RAMP1: variants seen among roughly 807,000 people sequenced by gnomAD.
RAMP1 encodes receptor activity-modifying protein 1.
A neutral mutation model predicts 8.2 loss-of-function variants in RAMP1; 7 were observed. The observed-to-expected ratio is 0.85, with a 90% CI of 0.49 to 1.60. The LOEUF (loss-of-function observed/expected upper bound fraction) is 1.60. Among genes scored for constraint, RAMP1 ranks in the 40% most tolerant of loss-of-function variants. The pLI is 0.00. For missense variants in RAMP1, 192 were observed against 202.4 expected (o/e 0.95, Z 0.31); for synonymous variants, 92 against 84.7 (o/e 1.09, Z -0.47).
chr2:237,859,361 T>C (rs2062108761), upstream of RAMP1, among the ~76,000 whole-genome samples: 1 of 152,106 alleles, frequency 6.6e-6, no homozygotes, highest in African/African-American at 2.4e-5. Context: ...TAGGAGACCC[T>C]CCCTAGTTTA....
At chr2:237,893,003 C>T (rs1221652860) in intron 2 of RAMP1, among the ~76,000 whole-genome samples, 3 of 152,174 alleles carry the variant, frequency 2.0e-5, no homozygotes, top group Admixed American at 1.3e-4. Flanking sequence ...TAGCATCATT[C>T]CCTTTTACAT....
intron 2 of RAMP1, among the ~76,000 whole-genome samples, chr2:237,908,695 C>T (rs1238269998): frequency 1.3e-5 from 2 of 152,176 alleles, no homozygotes; most frequent in African/African-American, 2.4e-5. Flanking sequence ...CTCAGCCTCC[C>T]AAAGTGCTGG....
At position 237,902,598 on chromosome 2, in the gene RAMP1, G is replaced by A. The variant is rs753652287; in HGVS notation, c.192-8930G>A. ...GGTCCCGCGGGGCCCCCAGTTCCAC[G>A]CAGGAGGCCACTGAGACTGGAGAGG... On this transcript the variant is annotated intron_variant, in intron 2 of 2. Coordinates refer to ENST00000254661, the MANE Select transcript of RAMP1 (RefSeq NM_005855.4). 1.1e-4 allele frequency among the ~76,000 whole-genome samples: 16 copies of A among 151,960 alleles called. 1 individual carries two copies. Among genetic ancestry groups the A allele is most frequent in the Admixed American group, 4.6e-4 (7 of 15,278 alleles).
chr2:237,859,978 A>T (rs1378525559), intron 1 of RAMP1: 1 of 404,034 alleles, frequency 2.5e-6, no homozygotes, highest in African/African-American at 2.1e-5. Flanking sequence ...GGGACGTCGG[A>T]GAGCGGGCAT....
intron 2 of RAMP1, among the ~76,000 whole-genome samples, chr2:237,892,523 G>A (rs1350365887): frequency 6.6e-6 from 1 of 152,136 alleles, no homozygotes; most frequent in Non-Finnish European, 1.5e-5. Flanking sequence ...GCCTCTCAAA[G>A]TGTTGGGATT....
intron 1 of RAMP1, among the ~76,000 whole-genome samples, chr2:237,873,503 A>G (rs1269845344): frequency 2.0e-5 from 3 of 152,076 alleles, no homozygotes; most frequent in Non-Finnish European, 2.9e-5. Context: ...TGCTCATTTC[A>G]GGGGCGCTGT....
At chr2:237,869,773 A>G (rs1206251540) in intron 1 of RAMP1, 1 of 152,076 alleles carries the variant, frequency 6.6e-6, no homozygotes, top group African/African-American at 2.4e-5. Context: ...TTGGGCATAT[A>G]CCCAGGGCAT....
intron 1 of RAMP1, among the ~76,000 whole-genome samples, chr2:237,875,926 T>A (rs1316035170): frequency 6.6e-6 from 1 of 151,890 alleles, no homozygotes; most frequent in East Asian, 1.9e-4. Flanking sequence ...CTGCCTCCCA[T>A]CTGGTGCCCA....
At chr2:237,896,625 G>C (rs2062545518) in intron 2 of RAMP1, among the ~76,000 whole-genome samples, 1 of 152,220 alleles carries the variant, frequency 6.6e-6, no homozygotes, top group Admixed American at 6.5e-5. Context: ...CGGGGAAACA[G>C]GTCTTAGTAT....
intron 2 of RAMP1, among the ~76,000 whole-genome samples, chr2:237,889,842 G>A (rs2062471381): frequency 6.6e-6 from 1 of 152,144 alleles, no homozygotes; most frequent in Admixed American, 6.5e-5. Context: ...ACCCAGGCAG[G>A]TCTTGAATTC....
intron 2 of RAMP1, among the ~76,000 whole-genome samples, chr2:237,902,583 G>A (rs2062613151): frequency 6.6e-6 from 1 of 152,034 alleles, no homozygotes; most frequent in South Asian, 2.1e-4. Context: ...GGTCCCGCGG[G>A]GCCCCCAGTT....
intron 2 of RAMP1, among the ~76,000 whole-genome samples, chr2:237,881,156 G>A (rs919471854): frequency 1.6e-4 from 25 of 152,288 alleles, no homozygotes; most frequent in Admixed American, 1.6e-3. Flanking sequence ...ATAAAGGGTT[G>A]TATACTAGTG....
chr2:237,861,851 CAA>C (rs11384578), intron 1 of RAMP1, among the ~76,000 whole-genome samples: 1 of 138,550 alleles, frequency 7.2e-6, no homozygotes. Flanking sequence ...AACTCCGTCT[CAA>C]AAAAAAAAAA....
intron 2 of RAMP1, among the ~76,000 whole-genome samples, chr2:237,890,794 C>T (rs1186801503): frequency 6.6e-6 from 1 of 152,078 alleles, no homozygotes; most frequent in African/African-American, 2.4e-5. Flanking sequence ...TGCTGTGTTT[C>T]TTCTTTCCCC....
At chr2:237,910,934 GAAT>G (rs976597002) in intron 2 of RAMP1, among the ~76,000 whole-genome samples, 12 of 149,558 alleles carry the variant, frequency 8.0e-5, no homozygotes, top group Non-Finnish European at 1.6e-4. Context: ...GTCACACACA[GAAT>G]AACAGTCACA....
At chr2:237,898,814 C>G (rs1044715537) in intron 2 of RAMP1, among the ~76,000 whole-genome samples, 3 of 152,198 alleles carry the variant, frequency 2.0e-5, no homozygotes, top group Admixed American at 2.0e-4. Flanking sequence ...CCACACCTGA[C>G]GCACGCCAGG....
chr2:237,873,130 G>A (rs2062263281), intron 1 of RAMP1, among the ~76,000 whole-genome samples: 1 of 152,248 alleles, frequency 6.6e-6, no homozygotes, highest in Non-Finnish European at 1.5e-5. Context: ...GAGGGGAGCA[G>A]GGAGGCTTCA....
intron 2 of RAMP1, among the ~76,000 whole-genome samples, chr2:237,885,942 AG>A (rs1291375077): frequency 6.6e-6 from 1 of 152,104 alleles, no homozygotes; most frequent in African/African-American, 2.4e-5. Flanking sequence ...GAGCAGGAAG[AG>A]CCCCTGGGAG....
chr2:237,871,584 T>C (rs1448570982), intron 1 of RAMP1, among the ~76,000 whole-genome samples: 1 of 151,996 alleles, frequency 6.6e-6, no homozygotes, highest in Non-Finnish European at 1.5e-5. Context: ...AGCTCTGGGT[T>C]CCTCCACCGC....
Sources: allele counts gnomAD v4.1 joint callset (sites outside exome capture counted in the v4.1 genomes callset), GRCh38; gene constraint gnomAD v4.1.1; transcripts MANE v1.5; gene names NCBI Gene and HGNC (gene_info 2026-07-23, HGNC 2026-07-21).